Variants in PPP6R2 observed in about 807,000 individuals in gnomAD.
PPP6R2 encodes the protein protein phosphatase 6 regulatory subunit 2.
Under a neutral mutation model 100.2 loss-of-function variants are expected in PPP6R2, and 62 were observed. The ratio of observed to expected loss-of-function variants is 0.62; its 90% CI spans 0.50 to 0.76. The LOEUF is 0.76. Ranked by LOEUF, PPP6R2 falls within the 30% of genes least tolerant of loss-of-function variation. PPP6R2 has a pLI of 0.00. For missense variants in PPP6R2, 1,142 were observed against 1,276.3 expected, an observed-to-expected ratio of 0.89 and a Z score of 1.60; for synonymous variants, 525 against 514.7, an observed-to-expected ratio of 1.02 and a Z score of -0.27.
chr22:50,352,931 G>A (rs1234662918), intron 1 of PPP6R2, among the ~76,000 whole-genome samples: 1 of 152,094 alleles, frequency 6.6e-6, no homozygotes, highest in African/African-American at 2.4e-5. Context: ...GAATGTGGTG[G>A]TGCATGCCTA....
chr22:50,375,690 C>T (rs1184361990), intron 2 of PPP6R2, among the ~76,000 whole-genome samples: 1 of 151,996 alleles, frequency 6.6e-6, no homozygotes, highest in Non-Finnish European at 1.5e-5. Context: ...GGATTTTTAG[C>T]CCAGTTACAT....
At chr22:50,402,301 G>C (rs2058172364) in intron 3 of PPP6R2, among the ~76,000 whole-genome samples, 1 of 151,528 alleles carries the variant, frequency 6.6e-6, no homozygotes, top group East Asian at 1.9e-4. Flanking sequence ...AGCTGAGTTG[G>C]GAAGAGGGCT....
intron 10 of PPP6R2, among the ~76,000 whole-genome samples, chr22:50,425,131 C>T (rs55902312): frequency 0.018 from 2,719 of 152,280 alleles, 69 homozygotes; most frequent in African/African-American, 0.063. Context: ...AACAGAAACT[C>T]TCTCCGTTAA....
chr22:50,389,507 T>G (rs1241826011), intron 2 of PPP6R2, among the ~76,000 whole-genome samples: 1 of 152,096 alleles, frequency 6.6e-6, no homozygotes. Flanking sequence ...ACTAAACCAG[T>G]GCCATTGCAG....
intron 1 of PPP6R2, among the ~76,000 whole-genome samples, chr22:50,363,199 C>T (rs1021456001): frequency 2.0e-5 from 3 of 152,164 alleles, no homozygotes; most frequent in African/African-American, 7.2e-5. Context: ...TGTCTCTGCT[C>T]CCTTCCATGC....
rs2066492215 is a variant in PPP6R2, at chr22:50,444,032, G to A, written c.2746G>A (p.Ala916Thr). ...CACCCCAGCAGTCTCTTCTGCACTGGCCGTGGCGGTCCCCCTAGGGCCCAT... is the reference window on the plus strand; with the variant it reads ...CACCCCAGCAGTCTCTTCTGCACTGACCGTGGCGGTCCCCCTAGGGCCCAT... ...IPTPAVSSAL[A>T]VAVPLGPIMA... The change falls in exon 23 of 24, where the codon GCC (alanine) becomes ACC (threonine). Residue 916 changes from alanine (A) to threonine (T), a missense_variant. Transcript: ENST00000612753. The A allele has an allele frequency of 6.2e-7, 1 of 1,613,386 alleles. No individual in the cohort carries two copies. Among genetic ancestry groups the A allele is most frequent in the Non-Finnish European group, 8.5e-7 (1 of 1,179,934 alleles).
chr22:50,385,149 C>T (rs1175980841), intron 2 of PPP6R2, among the ~76,000 whole-genome samples: 1 of 152,110 alleles, frequency 6.6e-6, no homozygotes, highest in Non-Finnish European at 1.5e-5. Context: ...GATCCAATTA[C>T]CTCTTAAAGG....
chr22:50,406,462 T>C (rs1002428100), intron 3 of PPP6R2, among the ~76,000 whole-genome samples: 3 of 152,168 alleles, frequency 2.0e-5, no homozygotes, highest in African/African-American at 7.2e-5. Context: ...ATGTCAGATA[T>C]CAGCGTATAG....
intron 1 of PPP6R2, among the ~76,000 whole-genome samples, chr22:50,350,589 T>TA (rs771266435): frequency 9.9e-5 from 15 of 151,374 alleles, no homozygotes; most frequent in African/African-American, 3.4e-4. Context: ...CTCACGCCTG[T>TA]AATCCCAGCA....
chr22:50,337,818 T>C, the PPP6R2 span, among the ~76,000 whole-genome samples: 2 of 142,514 alleles, frequency 1.4e-5, no homozygotes, highest in Admixed American at 1.4e-4. Context: ...GTGTGCTATC[T>C]GGGTACAGTG....
chr22:50,417,166 G>T (rs927104507), intron 6 of PPP6R2, among the ~76,000 whole-genome samples: 1 of 152,090 alleles, frequency 6.6e-6, no homozygotes, highest in Non-Finnish European at 1.5e-5. Flanking sequence ...TGGGGTAGAG[G>T]CCAGCTCCAT....
upstream of PPP6R2, among the ~76,000 whole-genome samples, chr22:50,338,467 T>C (rs1220770716): frequency 1.8e-5 from 2 of 111,818 alleles, no homozygotes; most frequent in Non-Finnish European, 3.5e-5. Context: ...ATGTAGTGTG[T>C]GTTATGTGTG....
chr22:50,343,305 G>T, upstream of PPP6R2: 1 of 150,228 alleles, frequency 6.7e-6, no homozygotes, highest in South Asian at 1.8e-4. Context: ...CCCGCCCCCG[G>T]AGCGCGTGCC....
intron 2 of PPP6R2, among the ~76,000 whole-genome samples, chr22:50,378,102 C>A (rs2052016203): frequency 6.6e-6 from 1 of 152,124 alleles, no homozygotes; most frequent in Non-Finnish European, 1.5e-5. Context: ...AACTACAAAG[C>A]ACCAAAGAGT....
At chr22:50,339,777 GGTGTGT>G (rs1048059807), upstream of PPP6R2, among the ~76,000 whole-genome samples, 1 of 123,834 alleles carries the variant, frequency 8.1e-6, no homozygotes, top group African/African-American at 3.8e-5. Flanking sequence ...TGTGGTATGT[GGTGTGT>G]GTGTGGTGTG....
chr22:50,340,548 C>G (rs1309817482), upstream of PPP6R2, among the ~76,000 whole-genome samples: 12 of 68,788 alleles, frequency 1.7e-4, no homozygotes, highest in South Asian at 5.8e-3. Flanking sequence ...GTGTGTGTCG[C>G]GTGTGTGTGG....
intron 13 of PPP6R2, among the ~76,000 whole-genome samples, chr22:50,435,655 C>A (rs567506086): frequency 6.6e-6 from 1 of 152,176 alleles, no homozygotes; most frequent in Non-Finnish European, 1.5e-5. Context: ...TAGTCCTCCC[C>A]GCACCCCAGG....
intron 10 of PPP6R2, among the ~76,000 whole-genome samples, chr22:50,425,882 T>G (rs2062037176): frequency 1.3e-5 from 1 of 79,592 alleles, no homozygotes; most frequent in Non-Finnish European, 3.1e-5. Flanking sequence ...TTTTTTTTTG[T>G]TTTTTTTTTT....
At chr22:50,418,812 G>T in intron 6 of PPP6R2, 55 bp from the exon 7 acceptor site, 1 of 1,422,832 alleles carries the variant, frequency 7.0e-7, no homozygotes, top group South Asian at 1.2e-5. Context: ...AGCAGGGCTG[G>T]TCCTGCTGTT....
Sources: gnomAD v4.1 joint callset for allele counts (sites outside exome capture counted in the v4.1 genomes callset) on GRCh38, gnomAD v4.1.1 for gene constraint, MANE v1.5 for transcripts, NCBI Gene and HGNC (gene_info 2026-07-23, HGNC 2026-07-21) for gene names.